Variants in AMY2A observed in about 807,000 individuals in gnomAD.
AMY2A encodes pancreatic alpha-amylase.
A neutral mutation model predicts 43.0 loss-of-function variants in AMY2A; 16 were observed. That is an observed-to-expected ratio of 0.37 (90% CI 0.25 to 0.56). The LOEUF is 0.56. Among genes scored for constraint, AMY2A ranks in the 20% least tolerant of loss-of-function variants. AMY2A has a pLI of 0.77. For missense variants in AMY2A, 212 were observed against 456.8 expected, an observed-to-expected ratio of 0.46 and a Z score of 4.89; for synonymous variants, 70 against 144.6, an observed-to-expected ratio of 0.48 and a Z score of 3.70.
chr1:103,624,783 TA>T lies in AMY2A; in HGVS notation c.1346+563del, dbSNP rs1401343557. On this transcript the variant is annotated intron_variant, in intron 9 of 9. Transcript: ENST00000414303. ...GTTTTGCTTCAGGAGATTTGAGTTT[TA>T]TTTTTGAAACTTCTCATTATTGGCC... is the stretch of plus-strand genomic sequence containing the variant. Among the ~76,000 whole-genome samples the T allele has an allele frequency of 6.5e-5, 8 of 123,170 alleles. 1 individual carries two copies. Among genetic ancestry groups the T allele is most frequent in the African/African-American group, 2.7e-4 (8 of 29,750 alleles). The allele number at this position is 123,170 out of a possible 152,430, so 80.8% of individuals were successfully genotyped here.
At chr1:103,619,921 C>T in intron 4 of AMY2A, 137 bp downstream of exon 4, 3 of 1,451,086 alleles carry the variant, frequency 2.1e-6, no homozygotes, top group Non-Finnish European at 2.8e-6. Context: ...ACCTCCTCTT[C>T]TTCACATACA....
chr1:103,625,085 G>GA (rs1653284167), intron 9 of AMY2A, among the ~76,000 whole-genome samples: 1 of 118,002 alleles, frequency 8.5e-6, no homozygotes. Flanking sequence ...AAGTTTTTGT[G>GA]AAAAAGCTTT....
chr1:103,617,495 C>G lies in AMY2A; in HGVS notation c.55C>G (p.Pro19Ala), dbSNP rs777629405. Reference protein sequence around the residue: ...TIGFCWAQYSPNTQQGRTSIV... With the variant: ...TIGFCWAQYSANTQQGRTSIV... ...TGGGTTCTGCTGGGCTCAGTATTCC[C>G]CAAATACACAACAAGGACGGACATC... Residue 19 changes from proline to alanine, a missense_variant, in exon 1 of 10, where the codon CCA becomes GCA. Coordinates refer to ENST00000414303, the MANE Select transcript of AMY2A (RefSeq NM_000699.4). 6.2e-7 allele frequency: 1 copy of G among 1,600,536 alleles called. No homozygotes were observed. The highest frequency in any genetic ancestry group is 1.7e-5 in the Admixed American group (1 of 59,670).
At chr1:103,619,380 A>T in intron 3 of AMY2A, among the ~76,000 whole-genome samples, 174 bp from the exon 4 acceptor site, 1 of 150,794 alleles carries the variant, frequency 6.6e-6, no homozygotes, top group South Asian at 2.1e-4. Context: ...ATTTTCTATT[A>T]GAAAATATTT....
upstream of AMY2A, chr1:103,617,320 A>C: frequency 6.6e-7 from 1 of 1,524,472 alleles, no homozygotes; most frequent in Middle Eastern, 2.4e-4. Flanking sequence ...AATCCTTTTC[A>C]GATTATGAAT....
chr1:103,618,826 T>A (rs1653152830), intron 2 of AMY2A, 85 bp from the exon 3 acceptor site: 2 of 1,041,792 alleles, frequency 1.9e-6, no homozygotes, highest in Non-Finnish European at 2.8e-6. Flanking sequence ...TGGAGTTTTA[T>A]TAACATACTA....
At position 103,618,386 on chromosome 1, in the gene AMY2A, C is replaced by T. The variant is rs1423111302; in HGVS notation, c.315+286C>T. ...GTTCGTATTTCCCGGAAACAATTTACTGGTTAGGAAGTATAATTCCAGTTA... is the reference window on the plus strand; with the variant it reads ...GTTCGTATTTCCCGGAAACAATTTATTGGTTAGGAAGTATAATTCCAGTTA... On this transcript the variant is annotated intron_variant, in intron 2 of 9. Transcript: ENST00000414303. Among the ~76,000 whole-genome samples the T allele has an allele frequency of 9.3e-5, 14 of 150,676 alleles. No homozygotes were observed. The East Asian group carries it at 2.5e-3, about 27-fold the overall frequency.
In AMY2A at chr1:103,617,492, T is replaced by A; in HGVS notation, c.52T>A (p.Ser18Thr). The change falls in exon 1 of 10, where the codon TCC becomes ACC. Residue 18 changes from serine (S) to threonine (T), a missense_variant. Physicochemically the swap from Ser to Thr is moderately conservative, Grantham distance 58 (BLOSUM62 1). Around this residue, in one of 2 missense-constraint regions of AMY2A, gnomAD observed 199 missense variants for 210.6 expected, o/e 0.94. Transcript: ENST00000414303. ...CATTGGGTTCTGCTGGGCTCAGTAT[T>A]CCCCAAATACACAACAAGGACGGAC... ...FTIGFCWAQYSPNTQQGRTSI... is the reference protein window; with the variant it reads ...FTIGFCWAQYTPNTQQGRTSI... 5 of 1,600,850 alleles carry A rather than the reference T, an allele frequency of 3.1e-6. 1 individual carries two copies. Among genetic ancestry groups the A allele is most frequent in the Non-Finnish European group, 4.3e-6 (5 of 1,170,852 alleles).
rs1243362940 is a variant in AMY2A at position 103,618,198 on chromosome 1, A to AT, written c.315+105dup. 2.6e-5 allele frequency: 39 copies of AT among 1,476,020 alleles called. 1 individual carries two copies. The highest frequency in any genetic ancestry group is 6.8e-5 in the South Asian group (5 of 73,066). The allele number at this position is 1,476,020 out of a possible 1,614,324, so 91.4% of individuals were successfully genotyped here. A position where few individuals can be genotyped will look rare whatever the true frequency, so the allele number is the denominator to read the frequency against. Reference sequence around the variant, plus strand: ...TTCAGCAGAAAATTTTCCGTATTTTATTTTTTTAATTTTACTTCATAATTT... The same window carrying AT: ...TTCAGCAGAAAATTTTCCGTATTTTATTTTTTTTAATTTTACTTCATAATTT... On this transcript the variant is annotated intron_variant, in intron 2 of 9. Coordinates refer to ENST00000414303, the MANE Select transcript of AMY2A (RefSeq NM_000699.4).
At chr1:103,618,305 A>C (rs1308995428) in intron 2 of AMY2A, among the ~76,000 whole-genome samples, 1 of 150,842 alleles carries the variant, frequency 6.6e-6, no homozygotes, top group African/African-American at 2.4e-5. Flanking sequence ...GGTAAGTTAA[A>C]GTTTAAATCA....
chr1:103,617,367 T>C, upstream of AMY2A: 2 of 1,556,972 alleles, frequency 1.3e-6, no homozygotes, highest in Admixed American at 1.7e-5. Flanking sequence ...CATGCTAATA[T>C]TTACTTTGTA....
At chr1:103,617,209 G>T (rs573008175), upstream of AMY2A, 213 of 1,132,280 alleles carry the variant, frequency 1.9e-4, 7 homozygotes, top group South Asian at 3.1e-3. Flanking sequence ...AAATAAAAGT[G>T]CTGCCAGAAC....
intron 1 of AMY2A, 79 bp from the exon 2 acceptor site, chr1:103,617,875 C>A (rs962664632): frequency 6.3e-7 from 1 of 1,589,274 alleles, no homozygotes; most frequent in Non-Finnish European, 8.6e-7. Context: ...ATCTTTTATA[C>A]TATTGATTAG....
At chr1:103,617,751 G>A in intron 1 of AMY2A, 143 bp downstream of exon 1, 1 of 1,541,430 alleles carries the variant, frequency 6.5e-7, no homozygotes, top group Non-Finnish European at 8.8e-7. Context: ...GAAAATCTAT[G>A]TAGTATTCTT....
At chr1:103,618,524 G>C (rs1009950347) in intron 2 of AMY2A, among the ~76,000 whole-genome samples, 30 of 150,644 alleles carry the variant, frequency 2.0e-4, no homozygotes, top group African/African-American at 7.0e-4. Flanking sequence ...GAGATTAATA[G>C]CTACCTTGTT....
chr1:103,618,073 C>G lies in AMY2A; in HGVS notation c.288C>G (p.Asn96Lys), dbSNP rs1250069807. Reference sequence around the variant, plus strand: ...CTGGAAATGAAGATGAATTTAGAAACATGGTGACTAGATGTAACAATGTTG... The same window carrying G: ...CTGGAAATGAAGATGAATTTAGAAAGATGGTGACTAGATGTAACAATGTTG... ...TRSGNEDEFRNMVTRCNNVGV... is the reference protein window; with the variant it reads ...TRSGNEDEFRKMVTRCNNVGV... The change falls in exon 2 of 10, where the codon AAC (asparagine) becomes AAG (lysine). Residue 96 changes from asparagine (N) to lysine (K), a missense_variant. Physicochemically the swap from Asn to Lys is moderately conservative, Grantham distance 94 (BLOSUM62 0). Transcript: ENST00000414303. 1 of 1,600,290 alleles carries G rather than the reference C, an allele frequency of 6.2e-7. No individual in the cohort carries two copies. Among genetic ancestry groups the G allele is most frequent in the Non-Finnish European group, 8.5e-7 (1 of 1,170,432 alleles).
At chr1:103,617,184 T>A (rs1399949628), upstream of AMY2A, 6 of 1,039,462 alleles carry the variant, frequency 5.8e-6, no homozygotes, top group East Asian at 2.9e-5. Context: ...CAGCAACAGG[T>A]CACTGTTTAA....
rs758793929 is a variant in AMY2A, at chr1:103,618,899, T to A, written c.316-12T>A. ...CTGTAAGTCACACTGAAGTAGAAAC[T>A]TTGTTTTCTAGGTTCGTATTTATGT... On this transcript the variant is annotated splice_polypyrimidine_tract_variant and intron_variant, in intron 2 of 9. Coordinates refer to ENST00000414303, the MANE Select transcript of AMY2A (RefSeq NM_000699.4). 8.8e-6 allele frequency: 9 copies of A among 1,027,958 alleles called. 1 individual carries two copies. In the East Asian group the frequency reaches 1.1e-4, roughly 12 times the overall value. 63.7% of individuals were successfully genotyped at this position (1,027,958 alleles called of 1,614,324 possible).
intron 1 of AMY2A, 145 bp from the exon 2 acceptor site, chr1:103,617,809 C>A: frequency 6.6e-7 from 1 of 1,524,498 alleles, no homozygotes; most frequent in Admixed American, 2.1e-5. Context: ...CACCAAGAGC[C>A]CTCCAATGTG....
Sources: allele counts gnomAD v4.1 joint callset (sites outside exome capture counted in the v4.1 genomes callset), GRCh38; gene constraint gnomAD v4.1.1; regional missense constraint gnomAD v4.1.1; transcripts MANE v1.5; gene names NCBI Gene and HGNC (gene_info 2026-07-23, HGNC 2026-07-21).